DCLK2: variants seen among roughly 807,000 people sequenced by gnomAD.
The protein encoded by DCLK2 is doublecortin like kinase 2, also known as serine/threonine-protein kinase DCLK2.
Under a neutral mutation model 78.4 loss-of-function variants are expected in DCLK2, and 31 were observed. That is an observed-to-expected ratio of 0.40 (90% CI 0.30 to 0.53). The LOEUF (loss-of-function observed/expected upper bound fraction) is 0.53. Among genes scored for constraint, DCLK2 ranks in the 20% least tolerant of loss-of-function variants. The probability of loss-of-function intolerance (pLI) is 0.61; values close to 1 mark genes in which losing one functional copy is unlikely to be tolerated. For missense variants in DCLK2, 872 were observed against 973.7 expected, an observed-to-expected ratio of 0.90 and a Z score of 1.39; for synonymous variants, 407 against 374.9, an observed-to-expected ratio of 1.09 and a Z score of -0.99.
chr4:150,167,182 A>G (rs1205905613), intron 2 of DCLK2, among the ~76,000 whole-genome samples: 1 of 152,202 alleles, frequency 6.6e-6, no homozygotes, highest in Non-Finnish European at 1.5e-5. Flanking sequence ...ATCTGTTTCA[A>G]TTGGAAGGAG....
chr4:150,243,568 G>A (rs540202801), intron 12 of DCLK2, among the ~76,000 whole-genome samples: 1 of 152,228 alleles, frequency 6.6e-6, no homozygotes, highest in South Asian at 2.1e-4. Context: ...TAGTCTCTTT[G>A]TTTTATACAA....
intron 14 of DCLK2, among the ~76,000 whole-genome samples, chr4:150,248,897 A>T (rs1743528549): frequency 6.6e-6 from 1 of 151,964 alleles, no homozygotes; most frequent in African/African-American, 2.4e-5. Context: ...GGTCTCTGGG[A>T]GGGAAACATG....
chr4:150,142,675 G>A (rs552957510), intron 2 of DCLK2, among the ~76,000 whole-genome samples: 3 of 152,196 alleles, frequency 2.0e-5, no homozygotes, highest in Non-Finnish European at 2.9e-5. Flanking sequence ...TATCTGATTC[G>A]ATACCCTTGG....
chr4:150,153,617 G>T (rs995756450), intron 2 of DCLK2, among the ~76,000 whole-genome samples: 1 of 151,690 alleles, frequency 6.6e-6, no homozygotes, highest in Non-Finnish European at 1.5e-5. Flanking sequence ...TTTTTTCCAT[G>T]TTGCCCAGGC....
At chr4:150,193,666 A>G (rs1212133033) in intron 3 of DCLK2, among the ~76,000 whole-genome samples, 5 of 152,208 alleles carry the variant, frequency 3.3e-5, no homozygotes, top group Non-Finnish European at 7.3e-5. Flanking sequence ...TCTATATTAA[A>G]AAGAAATAGA....
chr4:150,187,081 C>T (rs192417408), intron 2 of DCLK2, among the ~76,000 whole-genome samples: 95 of 152,258 alleles, frequency 6.2e-4, no homozygotes, highest in Non-Finnish European at 1.1e-3. Flanking sequence ...AAAAAATGTT[C>T]GTATTTTGCA....
At chr4:150,254,527 A>T (rs866326854) in intron 15 of DCLK2, 2 of 398,238 alleles carry the variant, frequency 5.0e-6, no homozygotes, top group Non-Finnish European at 8.8e-6. Flanking sequence ...TAACGGGGGG[A>T]TTGTTTTCTT....
At chr4:150,244,041 C>T (rs1367093781) in intron 12 of DCLK2, among the ~76,000 whole-genome samples, 6 of 151,916 alleles carry the variant, frequency 3.9e-5, no homozygotes, top group African/African-American at 7.3e-5. Flanking sequence ...TCAAGCAATC[C>T]TCCTCCCTCA....
intron 13 of DCLK2, 86 bp from the exon 14 acceptor site, chr4:150,248,219 C>G (rs1743479871): frequency 1.7e-6 from 2 of 1,196,940 alleles, no homozygotes; most frequent in Non-Finnish European, 2.5e-6. Flanking sequence ...CTCTGAAGTG[C>G]TTGCCACAAA....
At chr4:150,182,593 C>G (rs1737613005) in intron 2 of DCLK2, among the ~76,000 whole-genome samples, 1 of 152,046 alleles carries the variant, frequency 6.6e-6, no homozygotes, top group South Asian at 2.1e-4. Flanking sequence ...GTGGTATGTT[C>G]TTTACATCTT....
At chr4:150,249,885 C>G (rs1446002022) in intron 15 of DCLK2, among the ~76,000 whole-genome samples, 1 of 152,064 alleles carries the variant, frequency 6.6e-6, no homozygotes, top group Non-Finnish European at 1.5e-5. Context: ...GTGTAGGGAC[C>G]AGCAGGCCTG....
At chr4:150,127,495 T>C (rs1173993117) in intron 2 of DCLK2, among the ~76,000 whole-genome samples, 1 of 152,236 alleles carries the variant, frequency 6.6e-6, no homozygotes, top group African/African-American at 2.4e-5. Flanking sequence ...CTGGCTCAGA[T>C]GTGGTCAATG....
intron 2 of DCLK2, among the ~76,000 whole-genome samples, chr4:150,164,997 G>A (rs1375513288): frequency 6.6e-6 from 1 of 152,102 alleles, no homozygotes; most frequent in African/African-American, 2.4e-5. Flanking sequence ...GACAACACTT[G>A]TTTTGGTTTA....
At chr4:150,232,509 C>T in intron 9 of DCLK2, 53 bp downstream of exon 9, 1 of 1,595,900 alleles carries the variant, frequency 6.3e-7, no homozygotes, top group East Asian at 2.2e-5. Flanking sequence ...TTACAACATC[C>T]TTGAAGGACC....
intron 2 of DCLK2, among the ~76,000 whole-genome samples, chr4:150,175,095 TA>T (rs1401466641): frequency 1.0e-4 from 8 of 76,472 alleles, no homozygotes; most frequent in Admixed American, 4.3e-4. Context: ...TATATATATT[TA>T]TATATATTTA....
chr4:150,158,396 A>T (rs1735471559), intron 2 of DCLK2, among the ~76,000 whole-genome samples: 1 of 152,134 alleles, frequency 6.6e-6, no homozygotes, highest in South Asian at 2.1e-4. Flanking sequence ...TTTTAGGGGG[A>T]TATAATTCAG....
chr4:150,203,368 C>T (rs1337007547), intron 4 of DCLK2, among the ~76,000 whole-genome samples: 1 of 152,168 alleles, frequency 6.6e-6, no homozygotes. Flanking sequence ...ACACAAACTT[C>T]TTGGTTATCC....
intron 1 of DCLK2, among the ~76,000 whole-genome samples, chr4:150,085,027 C>A (rs1193593723): frequency 1.3e-5 from 2 of 152,102 alleles, no homozygotes; most frequent in Non-Finnish European, 2.9e-5. Context: ...CCTTGTAATA[C>A]CTTCTGAAAT....
At chr4:150,217,342 C>G (rs568521066) in intron 5 of DCLK2, among the ~76,000 whole-genome samples, 3 of 152,220 alleles carry the variant, frequency 2.0e-5, no homozygotes, top group Non-Finnish European at 4.4e-5. Context: ...TGCCAGTGAT[C>G]TGTCCAGAGA....
Sources: allele counts gnomAD v4.1 joint callset (sites outside exome capture counted in the v4.1 genomes callset), GRCh38; gene constraint gnomAD v4.1.1; transcripts MANE v1.5; gene names NCBI Gene and HGNC (gene_info 2026-07-23, HGNC 2026-07-21).